Variants in LOXL1 observed in about 807,000 individuals in gnomAD.
LOXL1 encodes the protein lysyl oxidase like 1, also known as lysyl oxidase homolog 1.
In LOXL1, 31 loss-of-function variants were observed where a neutral mutation model predicts 62.2. The observed-to-expected ratio is 0.50, with a 90% CI of 0.37 to 0.67. LOXL1 has a LOEUF of 0.67. Among genes scored for constraint, LOXL1 ranks in the 30% least tolerant of loss-of-function variants. The pLI, the probability that LOXL1 is intolerant of heterozygous loss-of-function variation, is 0.00. For missense variants in LOXL1, 775 were observed against 843.4 expected (o/e 0.92, Z 1.00); for synonymous variants, 403 against 384.4 (o/e 1.05, Z -0.56).
chr15:73,949,409 G>A (rs778382532), intron 5 of LOXL1, 50 bp from the exon 6 acceptor site: 33 of 1,086,486 alleles, frequency 3.0e-5, no homozygotes, highest in Admixed American at 1.7e-4. Context: ...CAGTTGAGGT[G>A]CAGCCCCCCT....
At chr15:73,928,718 C>A in intron 1 of LOXL1, among the ~76,000 whole-genome samples, 1 of 151,474 alleles carries the variant, frequency 6.6e-6, no homozygotes, top group Non-Finnish European at 1.5e-5. Context: ...GAAAAATCAG[C>A]AACACGGATC....
At chr15:73,931,709 G>T (rs536532642) in intron 1 of LOXL1, among the ~76,000 whole-genome samples, 1 of 152,214 alleles carries the variant, frequency 6.6e-6, no homozygotes, top group South Asian at 2.1e-4. Context: ...CACCTCTCCT[G>T]CCTGAGCCCC....
At chr15:73,928,238 T>G in intron 1 of LOXL1, 1 of 244,950 alleles carries the variant, frequency 4.1e-6, no homozygotes, top group Non-Finnish European at 7.8e-6. Flanking sequence ...ATCCACCTTC[T>G]CCCTCATTTC....
Position 73,930,861 on chromosome 15 carries a change from C to G in LOXL1, c.1102+2976C>G, listed in dbSNP as rs2068630426. ...AAAAGAAACTAGAGGAAACAGAGGCCCAGAGAGGGTCACATACTTTGCCTG... is the reference window on the plus strand; with the variant it reads ...AAAAGAAACTAGAGGAAACAGAGGCGCAGAGAGGGTCACATACTTTGCCTG... On this transcript the variant is annotated intron_variant, in intron 1 of 6. Transcript: ENST00000261921. The surrounding 1 kb of genome is among the most constrained non-coding windows in gnomAD (Gnocchi z 4.7). 6.6e-6 allele frequency among the ~76,000 whole-genome samples: 1 copy of G among 152,202 alleles called. No homozygotes were observed.
chr15:73,941,379 A>C (rs1178468313), intron 1 of LOXL1, among the ~76,000 whole-genome samples: 1 of 151,906 alleles, frequency 6.6e-6, no homozygotes, highest in Non-Finnish European at 1.5e-5. Context: ...AGGGTCTGGG[A>C]ACTCAGGGTG....
Position 73,927,297 on chromosome 15 carries a change from TCCTACCCGCAGCAGTTCC to T in LOXL1, c.526_543del (p.Gln176_Gln181del). The T allele has an allele frequency of 1.9e-6, 3 of 1,602,930 alleles. No individual in the cohort carries two copies. The highest frequency in any genetic ancestry group is 2.5e-6 in the Non-Finnish European group (3 of 1,176,922). ...CGCCAGCACCTACCGCCAGCAGCCCTCCTACCCGCAGCAGTTCCCCTACCCGCAGGCGCCCTTCGTCAG... is the reference window on the plus strand; with the variant it reads ...CGCCAGCACCTACCGCCAGCAGCCCTCCTACCCGCAGGCGCCCTTCGTCAG... On this transcript the variant is annotated inframe_deletion, in exon 1 of 7. Coordinates refer to ENST00000261921, the MANE Select transcript of LOXL1 (RefSeq NM_005576.4).
chr15:73,947,453 A>C, intron 4 of LOXL1: 1 of 524,766 alleles, frequency 1.9e-6, no homozygotes, highest in Non-Finnish European at 3.4e-6. Context: ...CGTGGAGAGA[A>C]GGAAACATCG....
intron 1 of LOXL1, among the ~76,000 whole-genome samples, chr15:73,932,426 G>A (rs764154343): frequency 3.7e-4 from 57 of 152,200 alleles, no homozygotes; most frequent in Non-Finnish European, 7.5e-4. Flanking sequence ...TGCTTATCTT[G>A]TACACCTCAT....
Position 73,927,842 on chromosome 15 carries a change from C to T in LOXL1, c.1059C>T (p.Arg353=). The change falls in exon 1 of 7, where the codon CGC becomes CGT. Residue 353 remains arginine, a synonymous_variant. Transcript: ENST00000261921. ...GGERNGAQQG[R]LSVGSVYRPN... is the part of the protein sequence containing the mutation. ...AGCGGAACGGCGCGCAGCAGGGCCG[C>T]CTCAGCGTGGGCAGCGTGTACCGGC... The T allele has an allele frequency of 7.5e-7, 1 of 1,341,252 alleles. No individual in the cohort carries two copies. The highest frequency in any genetic ancestry group is 2.0e-5 in the South Asian group (1 of 50,574). The allele number at this position is 1,341,252 out of a possible 1,614,324, so 83.1% of individuals were successfully genotyped here.
chr15:73,951,117 A>G (rs1244353450), intron 6 of LOXL1, among the ~76,000 whole-genome samples: 3 of 152,196 alleles, frequency 2.0e-5, no homozygotes, highest in Non-Finnish European at 4.4e-5. Context: ...TATCCAGGAA[A>G]CAAAGGAGGC....
chr15:73,949,467 G>A lies in LOXL1; in HGVS notation c.1611G>A (p.Val537=), dbSNP rs753791228. The change falls in exon 6 of 7, where the codon GTG becomes GTA. Residue 537 remains valine, a synonymous_variant. Transcript: ENST00000261921. ...QPGNYILKVH[V]NPKYIVLESD... ...TTTCTCTTCTTCCTCAGGTGCACGT[G>A]AACCCAAAGTATATTGTTTTGGAGT... The A allele has an allele frequency of 1.2e-6, 2 of 1,610,774 alleles. No individual in the cohort carries two copies. The highest frequency in any genetic ancestry group is 2.2e-5 in the South Asian group (2 of 91,004).
rs1420048359 is a variant in LOXL1 at position 73,927,841 on chromosome 15, G to A, written c.1058G>A (p.Arg353His). The A allele has an allele frequency of 2.2e-6, 3 of 1,341,100 alleles. No individual in the cohort carries two copies. Among genetic ancestry groups the A allele is most frequent in the Admixed American group, 4.1e-5 (1 of 24,424 alleles). The allele number at this position is 1,341,100 out of a possible 1,614,324, so 83.1% of individuals were successfully genotyped here. A position where few individuals can be genotyped will look rare whatever the true frequency, so the allele number is the denominator to read the frequency against. The change falls in exon 1 of 7, where the codon CGC becomes CAC. Residue 353 changes from arginine (R) to histidine (H), a missense_variant. Arg to His is a conservative substitution (Grantham distance 29, BLOSUM62 0). Transcript: ENST00000261921. ...GGERNGAQQG[R>H]LSVGSVYRPN... is the part of the protein sequence containing the mutation. ...GAGCGGAACGGCGCGCAGCAGGGCC[G>A]CCTCAGCGTGGGCAGCGTGTACCGG...
At chr15:73,951,745 G>T in intron 6 of LOXL1, 86 bp from the exon 7 acceptor site, 1 of 1,260,686 alleles carries the variant, frequency 7.9e-7, no homozygotes. Flanking sequence ...CGAGGGATCT[G>T]GGCTGTGGGA....
At position 73,926,643 on chromosome 15, in the gene LOXL1, G is replaced by T; in HGVS notation, c.-141G>T. 9.9e-7 allele frequency: 1 copy of T among 1,010,178 alleles called. No homozygotes were observed. The allele number at this position is 1,010,178 out of a possible 1,614,324, so 62.6% of individuals were successfully genotyped here. On this transcript the variant is annotated 5_prime_UTR_variant, in exon 1 of 7. Transcript: ENST00000261921. The stretch of plus-strand genomic sequence containing the variant: ...TGTCATCGGAGGAGCCGTCCCGCTC[G>T]GGACAAGGCCAGCATGGACAAAGCT...
chr15:73,940,416 A>G (rs1461652094), intron 1 of LOXL1, among the ~76,000 whole-genome samples: 2 of 150,884 alleles, frequency 1.3e-5, no homozygotes, highest in Non-Finnish European at 2.9e-5. Flanking sequence ...TACTCCACTC[A>G]GTTTTAATCA....
chr15:73,935,805 GTC>G (rs1340656128), intron 1 of LOXL1, among the ~76,000 whole-genome samples: 4 of 152,196 alleles, frequency 2.6e-5, no homozygotes, highest in African/African-American at 9.7e-5. Context: ...TTCTGCTGCT[GTC>G]TCTCCCCATT....
rs201004339 is a variant in LOXL1 at position 73,947,114 on chromosome 15, C to T, written c.1397C>T (p.Ala466Val). ...TTCAGCCACTACGACCTACTGGATGCAGCCACAGGCAAGAAGGTGGCCGAG... is the reference window on the plus strand; with the variant it reads ...TTCAGCCACTACGACCTACTGGATGTAGCCACAGGCAAGAAGGTGGCCGAG... Reference protein sequence around the residue: ...DEFSHYDLLDAATGKKVAEGH... With the variant: ...DEFSHYDLLDVATGKKVAEGH... The change falls in exon 4 of 7, where the codon GCA (alanine) becomes GTA (valine). Residue 466 changes from alanine (A) to valine (V), a missense_variant. Ala to Val is a moderately conservative substitution (Grantham distance 64). Coordinates refer to ENST00000261921, the MANE Select transcript of LOXL1 (RefSeq NM_005576.4). 5.0e-6 allele frequency: 8 copies of T among 1,613,330 alleles called. No individual in the cohort carries two copies. The highest frequency in any genetic ancestry group is 6.8e-6 in the Non-Finnish European group (8 of 1,179,474).
At chr15:73,949,363 C>A in intron 5 of LOXL1, 96 bp from the exon 6 acceptor site, 2 of 766,996 alleles carry the variant, frequency 2.6e-6, no homozygotes, top group Non-Finnish European at 4.8e-6. Flanking sequence ...ACCTCTCTGT[C>A]TGTCTGTCTG....
rs1210153644 is a variant in LOXL1 at position 73,949,483 on chromosome 15, G to T, written c.1627G>T (p.Val543Phe). 3 of 1,613,360 alleles carry T rather than the reference G, an allele frequency of 1.9e-6. No homozygotes were observed. The highest frequency in any genetic ancestry group is 3.3e-5 in the Admixed American group (2 of 60,030). ...GGTGCACGTGAACCCAAAGTATATT[G>T]TTTTGGAGTCTGACTTCACCAACAA... ...LKVHVNPKYI[V>F]LESDFTNNVV... Residue 543 changes from valine (V) to phenylalanine (F), a missense_variant, in exon 6 of 7, where the codon GTT becomes TTT. Physicochemically the swap from Val to Phe is conservative, Grantham distance 50. Transcript: ENST00000261921.
Sources: allele counts gnomAD v4.1 joint callset (sites outside exome capture counted in the v4.1 genomes callset), GRCh38; gene constraint gnomAD v4.1.1; non-coding constraint Gnocchi (gnomAD v3.1); transcripts MANE v1.5; gene names NCBI Gene and HGNC (gene_info 2026-07-23, HGNC 2026-07-21).